The following TBX5 variants were observed in gnomAD, a reference collection of about 807,000 sequenced individuals.
The protein encoded by TBX5 is T-box transcription factor 5.
TBX5 carries 8 observed loss-of-function variants against 51.1 expected under a neutral mutation model. The observed-to-expected ratio is 0.16, with a 90% CI of 0.09 to 0.28. The LOEUF is 0.28. TBX5 is among the 10% of genes least tolerant of loss of function. TBX5 has a pLI of 1.00. For synonymous variants in TBX5, 302 were observed against 266.4 expected (o/e 1.13, Z -1.30); for missense variants, 589 against 671.7 (o/e 0.88, Z 1.36).
Position 114,355,966 on chromosome 12 carries a change from G to A in TBX5, c.1123C>T (p.Arg375Trp), listed in dbSNP as rs377532269. 5.1e-5 allele frequency: 82 copies of A among 1,613,864 alleles called. No individual in the cohort carries two copies. Among genetic ancestry groups the A allele is most frequent in the Non-Finnish European group, 6.4e-5 (75 of 1,180,054 alleles). Residue 375 changes from arginine (R) to tryptophan (W), a missense_variant, in exon 9 of 9, where the codon CGG becomes TGG. Around this residue, in one of 7 missense-constraint regions of TBX5, gnomAD observed 348 missense variants for 360.4 expected, o/e 0.97. Coordinates refer to ENST00000405440, the MANE Select transcript of TBX5 (RefSeq NM_181486.4). ...GASYRTESAQ[R>W]QACMYASSAP... ...GAGCTGGCATACATGCAAGCTTGCCGCTGTGCCGACTCTGTCCTGTAGGAG... is the reference window on the plus strand; with the variant it reads ...GAGCTGGCATACATGCAAGCTTGCCACTGTGCCGACTCTGTCCTGTAGGAG...
At chr12:114,382,722 G>T (rs890158990) in intron 7 of TBX5, among the ~76,000 whole-genome samples, 1 of 152,132 alleles carries the variant, frequency 6.6e-6, no homozygotes, top group African/African-American at 2.4e-5. Context: ...TCTTGAACCC[G>T]GGAGGCCAAG....
At chr12:114,396,193 G>C (rs966008247) in intron 5 of TBX5, among the ~76,000 whole-genome samples, 5 of 151,838 alleles carry the variant, frequency 3.3e-5, no homozygotes, top group Non-Finnish European at 7.4e-5. Flanking sequence ...CCCCGCGGCT[G>C]CCCGACCCCG....
rs75334514 is a variant in TBX5 at position 114,354,156 on chromosome 12, A to G, written c.*1376T>C. 1 of 147,602 alleles carries G rather than the reference A, an allele frequency of 6.8e-6. No individual in the cohort carries two copies. The highest frequency in any genetic ancestry group is 2.5e-5 in the African/African-American group (1 of 39,864). The allele number at this position is 147,602 out of a possible 1,614,324, so 9.1% of individuals were successfully genotyped here. A position where few individuals can be genotyped will look rare whatever the true frequency, so the allele number is the denominator to read the frequency against. On this transcript the variant is annotated 3_prime_UTR_variant, in exon 9 of 9. Transcript: ENST00000405440. Reference sequence around the variant, plus strand: ...CTGTTTATAAAAAAGGAAAAAAAAAATTCTTTTTAATCAAAAAAAGCAAAG... The same window carrying G: ...CTGTTTATAAAAAAGGAAAAAAAAAGTTCTTTTTAATCAAAAAAAGCAAAG...
chr12:114,400,768 T>C (rs1218521642), intron 3 of TBX5, among the ~76,000 whole-genome samples: 3 of 152,224 alleles, frequency 2.0e-5, no homozygotes, highest in Admixed American at 6.5e-5. Context: ...AGTTCGTTGA[T>C]ATAAACAGAA....
upstream of TBX5, chr12:114,408,080 G>T (rs78462880): frequency 9.2e-3 from 9,049 of 985,308 alleles, 618 homozygotes; most frequent in African/African-American, 0.14. Context: ...CTCACCAGCC[G>T]CTGCACCTAT....
chr12:114,397,184 T>A (rs1871478734), intron 5 of TBX5, among the ~76,000 whole-genome samples: 1 of 151,312 alleles, frequency 6.6e-6, no homozygotes, highest in African/African-American at 2.4e-5. Context: ...CCCAGTCCCC[T>A]CCTTTCCCTG....
At chr12:114,406,461 G>T (rs1872231283), upstream of TBX5, among the ~76,000 whole-genome samples, 1 of 152,062 alleles carries the variant, frequency 6.6e-6, no homozygotes, top group Non-Finnish European at 1.5e-5. Flanking sequence ...GAGTCTGGAC[G>T]CACACACACA....
At position 114,398,674 on chromosome 12, in the gene TBX5, C is replaced by T. The variant is rs765999767; in HGVS notation, c.409G>A (p.Val137Met). 32 of 1,612,562 alleles carry T rather than the reference C, an allele frequency of 2.0e-5. No individual in the cohort carries two copies. The East Asian group carries it at 2.2e-4, about 11-fold the overall frequency. ...CCGGTGGCGGGGGAGTCTGGGTGCACGTACAGGCGGCCAGGCATGGCGGGC... is the reference window on the plus strand; with the variant it reads ...CCGGTGGCGGGGGAGTCTGGGTGCATGTACAGGCGGCCAGGCATGGCGGGC... ...AEPAMPGRLY[V>M]HPDSPATGAH... The change falls in exon 5 of 9, where the codon GTG (valine) becomes ATG (methionine). Residue 137 changes from valine (V) to methionine (M), a missense_variant. Physicochemically the swap from Val to Met is conservative, Grantham distance 21 (BLOSUM62 1). This residue lies in a region of TBX5 where 85 missense variants were observed against 95.6 expected (regional missense o/e 0.89). Transcript: ENST00000405440.
chr12:114,395,037 C>T lies in TBX5; in HGVS notation c.511-144G>A, dbSNP rs1448099689. 1.9e-5 allele frequency: 15 copies of T among 799,454 alleles called. No homozygotes were observed. In the Admixed American group the frequency reaches 3.4e-4, roughly 18 times the overall value. The allele number at this position is 799,454 out of a possible 1,614,324, so 49.5% of individuals were successfully genotyped here. On this transcript the variant is annotated intron_variant, in intron 5 of 8. Transcript: ENST00000405440. ...ATTTTTCTTCTGTTTTGAAAAGGGG[C>T]CAGGGATTTCATTAAAAAGAAACAT...
intron 8 of TBX5, among the ~76,000 whole-genome samples, chr12:114,361,801 T>C (rs927737859): frequency 6.6e-6 from 1 of 152,180 alleles, no homozygotes; most frequent in African/African-American, 2.4e-5. Flanking sequence ...TGGAGGCTGA[T>C]GATGAATTGC....
At chr12:114,364,041 A>G (rs1869381784) in intron 8 of TBX5, among the ~76,000 whole-genome samples, 1 of 152,218 alleles carries the variant, frequency 6.6e-6, no homozygotes, top group Non-Finnish European at 1.5e-5. Context: ...GATTGGCTTC[A>G]GGTAAGTCTG....
intron 7 of TBX5, among the ~76,000 whole-genome samples, chr12:114,371,651 T>G (rs1056835563): frequency 8.4e-5 from 12 of 143,598 alleles, no homozygotes; most frequent in Admixed American, 1.4e-4. Context: ...TTCAAACAAC[T>G]AAAGCAGTGC....
At chr12:114,398,830 T>C in intron 4 of TBX5, 110 bp from the exon 5 acceptor site, 1 of 1,357,738 alleles carries the variant, frequency 7.4e-7, no homozygotes, top group Non-Finnish European at 1.0e-6. Flanking sequence ...GAGTAGTAGC[T>C]GGGAATAATC....
chr12:114,390,402 G>A (rs1871089996), intron 6 of TBX5, among the ~76,000 whole-genome samples: 1 of 152,192 alleles, frequency 6.6e-6, no homozygotes, highest in Admixed American at 6.5e-5. Flanking sequence ...CCATGCAAAT[G>A]TACTCCCTTC....
chr12:114,399,397 T>A (rs1871648189), intron 4 of TBX5, 116 bp downstream of exon 4: 1 of 1,475,704 alleles, frequency 6.8e-7, no homozygotes, highest in South Asian at 1.1e-5. Context: ...CAGACGCCTT[T>A]AGCACACAGT....
intron 1 of TBX5, among the ~76,000 whole-genome samples, chr12:114,404,289 G>A (rs756197315): frequency 6.6e-6 from 1 of 152,150 alleles, no homozygotes; most frequent in Non-Finnish European, 1.5e-5. Context: ...AAGATAAGGC[G>A]TGGGTATTTT....
upstream of TBX5, among the ~76,000 whole-genome samples, chr12:114,406,398 G>A (rs11067101): frequency 0.15 from 22,746 of 151,970 alleles, 2,281 homozygotes; most frequent in East Asian, 0.42. Context: ...TTTCAAACGC[G>A]GTCGGCTTCT....
rs1043449114 is a variant in TBX5 at position 114,406,055 on chromosome 12, A to ACT, written c.-468_-467dup. ...TTCGAGGTAAGAGTCAGTCTCTCTCACTCTCTCTCCCTCTCTCTCTCTCTC... is the reference window on the plus strand; with the variant it reads ...TTCGAGGTAAGAGTCAGTCTCTCTCACTCTCTCTCTCCCTCTCTCTCTCTCTC... On this transcript the variant is annotated 5_prime_UTR_variant, in exon 1 of 9. Transcript: ENST00000405440. 113 of 978,440 alleles carry ACT rather than the reference A, an allele frequency of 1.2e-4. No individual in the cohort carries two copies. In the African/African-American group the frequency reaches 1.9e-3, roughly 17 times the overall value. The allele number at this position is 978,440 out of a possible 1,614,324, so 60.6% of individuals were successfully genotyped here.
intron 7 of TBX5, among the ~76,000 whole-genome samples, chr12:114,367,816 A>G (rs1869635669): frequency 6.6e-6 from 1 of 152,178 alleles, no homozygotes. Flanking sequence ...AACTGCATAT[A>G]TTGCTAAACA....
Sources: allele counts gnomAD v4.1 joint callset (sites outside exome capture counted in the v4.1 genomes callset), GRCh38; gene constraint gnomAD v4.1.1; regional missense constraint gnomAD v4.1.1; transcripts MANE v1.5; gene names NCBI Gene and HGNC (gene_info 2026-07-23, HGNC 2026-07-21).